The following CHIC2 variants were observed in gnomAD, a reference collection of about 807,000 sequenced individuals.
CHIC2 encodes cysteine rich hydrophobic domain 2.
Under a neutral mutation model 25.9 loss-of-function variants are expected in CHIC2, and 14 were observed. That is an observed-to-expected ratio of 0.54 (90% CI 0.36 to 0.85). The LOEUF (loss-of-function observed/expected upper bound fraction) is 0.85. Ranked by LOEUF, CHIC2 falls within the 40% of genes least tolerant of loss-of-function variation. CHIC2 has a pLI of 0.01. For missense variants in CHIC2, 146 were observed against 202.0 expected (o/e 0.72, Z 1.68); for synonymous variants, 70 against 72.0 (o/e 0.97, Z 0.14).
chr4:54,042,861 A>G (rs565008386), intron 3 of CHIC2, among the ~76,000 whole-genome samples: 2 of 152,374 alleles, frequency 1.3e-5, no homozygotes, highest in Non-Finnish European at 1.5e-5. Context: ...TCCTATCAAT[A>G]GAATGTACCA....
chr4:54,047,008 C>T (rs1648582224), intron 3 of CHIC2, among the ~76,000 whole-genome samples: 1 of 152,170 alleles, frequency 6.6e-6, no homozygotes, highest in Non-Finnish European at 1.5e-5. Context: ...AGACACTTCT[C>T]AAAAGAAGAC....
intron 3 of CHIC2, among the ~76,000 whole-genome samples, chr4:54,022,676 T>A (rs1404631600): frequency 6.6e-6 from 1 of 152,072 alleles, no homozygotes; most frequent in East Asian, 1.9e-4. Context: ...CTTCCTCTTG[T>A]ATCCCTCCAC....
At chr4:54,050,504 C>T (rs956070487) in intron 1 of CHIC2, among the ~76,000 whole-genome samples, 3 of 152,032 alleles carry the variant, frequency 2.0e-5, no homozygotes, top group Non-Finnish European at 2.9e-5. Context: ...AGGATACCTC[C>T]TTATATCTTA....
the CHIC2 span, among the ~76,000 whole-genome samples, chr4:54,075,233 C>A: frequency 6.6e-6 from 1 of 152,202 alleles, no homozygotes; most frequent in Admixed American, 6.5e-5. Flanking sequence ...TGAATTTGAG[C>A]TTTGAGGATC....
intron 1 of CHIC2, among the ~76,000 whole-genome samples, chr4:54,056,057 C>A (rs1717163934): frequency 6.6e-6 from 1 of 152,166 alleles, no homozygotes; most frequent in South Asian, 2.1e-4. Context: ...TTCTCCAAAG[C>A]ATGTGTTAAA....
At chr4:54,031,988 AG>A (rs1349465590) in intron 3 of CHIC2, among the ~76,000 whole-genome samples, 1 of 152,128 alleles carries the variant, frequency 6.6e-6, no homozygotes, top group Non-Finnish European at 1.5e-5. Flanking sequence ...TAAGTGTCAC[AG>A]TCCAATCCAG....
rs80108517 is a variant in CHIC2 at position 54,034,100 on chromosome 4, T to C, written c.330+14855A>G. Among the ~76,000 whole-genome samples the C allele has an allele frequency of 6.9e-3, 1,047 of 152,060 alleles. 11 individuals are homozygous for C. Among genetic ancestry groups the C allele is most frequent in the East Asian group, 0.029 (150 of 5,160 alleles). ...AAATCTATGGATCAGTTTGGAGAAA[T>C]TGGCCACTTAAAAGTATTTCCTCGC... On this transcript the variant is annotated intron_variant, in intron 3 of 5. Coordinates refer to ENST00000263921, the MANE Select transcript of CHIC2 (RefSeq NM_012110.4).
intron 3 of CHIC2, among the ~76,000 whole-genome samples, chr4:54,021,285 C>G (rs1324165232): frequency 3.3e-5 from 5 of 152,118 alleles, no homozygotes; most frequent in African/African-American, 7.2e-5. Flanking sequence ...TGCCTGACAT[C>G]CAGGCATTCT....
At position 54,064,456 on chromosome 4, in the gene CHIC2, A is replaced by G. The variant is rs1300893211; in HGVS notation, c.-156T>C. The G allele has an allele frequency of 2.3e-5, 35 of 1,493,930 alleles. No homozygotes were observed. Among genetic ancestry groups the G allele is most frequent in the Non-Finnish European group, 2.9e-5 (33 of 1,128,174 alleles). 92.5% of individuals were successfully genotyped at this position (1,493,930 alleles called of 1,614,324 possible). On this transcript the variant is annotated 5_prime_UTR_variant, in exon 1 of 6. Coordinates refer to ENST00000263921, the MANE Select transcript of CHIC2 (RefSeq NM_012110.4). This position sits in a 1 kb window ranked among gnomAD's most constrained non-coding sequence, Gnocchi z 4.2. ...TCGGCTGTCTCGGCTCCGGCTACAG[A>G]GGGGATGGGGTCTGGACCGTCGCCG... is the stretch of plus-strand genomic sequence containing the variant.
At chr4:54,070,635 C>G in the CHIC2 span, among the ~76,000 whole-genome samples, 1 of 152,066 alleles carries the variant, frequency 6.6e-6, no homozygotes, top group African/African-American at 2.4e-5. Flanking sequence ...GTTGGCCAGG[C>G]TGGTCTTGAA....
intron 3 of CHIC2, among the ~76,000 whole-genome samples, chr4:54,039,891 T>C (rs759115641): frequency 1.8e-4 from 27 of 151,778 alleles, no homozygotes; most frequent in Non-Finnish European, 3.1e-4. Context: ...TAAAAGAAAA[T>C]AGATGAATCT....
intron 3 of CHIC2, among the ~76,000 whole-genome samples, chr4:54,018,090 G>A (rs969329404): frequency 6.6e-6 from 1 of 152,014 alleles, no homozygotes; most frequent in Non-Finnish European, 1.5e-5. Flanking sequence ...GTAGAATTGT[G>A]AAAATAGGAA....
At chr4:54,011,080 T>C (rs1439931404) in intron 5 of CHIC2, among the ~76,000 whole-genome samples, 1 of 152,164 alleles carries the variant, frequency 6.6e-6, no homozygotes, top group Non-Finnish European at 1.5e-5. Flanking sequence ...TAGATGGTGA[T>C]TTAAAAATTA....
chr4:54,049,760 G>C (rs1716945624), intron 1 of CHIC2, among the ~76,000 whole-genome samples: 1 of 152,088 alleles, frequency 6.6e-6, no homozygotes, highest in South Asian at 2.1e-4. Flanking sequence ...AAAGAGTGAG[G>C]AGGGGAAGAA....
chr4:54,064,801 G>A, upstream of CHIC2: 1 of 321,676 alleles, frequency 3.1e-6, no homozygotes, highest in Non-Finnish European at 4.5e-6. The surrounding 1 kb of genome is among the most constrained non-coding windows in gnomAD (Gnocchi z 4.2). Context: ...CGCAGACGGC[G>A]ACCGGGGCGC....
At position 54,013,987 on chromosome 4, in the gene CHIC2, G is replaced by T. The variant is rs1715667626; in HGVS notation, c.387+76C>A. On this transcript the variant is annotated intron_variant, in intron 4 of 5. Coordinates refer to ENST00000263921, the MANE Select transcript of CHIC2 (RefSeq NM_012110.4). ...CATTTGTCCACCTTTCATATTTTTA[G>T]TTCAACAAAAGCATCTGTTTCCATA... 1.9e-6 allele frequency: 3 copies of T among 1,597,408 alleles called. No individual in the cohort carries two copies. In the African/African-American group the frequency reaches 4.0e-5, roughly 21 times the overall value.
chr4:54,077,352 A>G, the CHIC2 span, among the ~76,000 whole-genome samples: 2 of 152,202 alleles, frequency 1.3e-5, no homozygotes, highest in Non-Finnish European at 2.9e-5. Flanking sequence ...GTAGAAACAC[A>G]AGAAGATCCT....
At chr4:54,072,611 C>A in the CHIC2 span, among the ~76,000 whole-genome samples, 4 of 152,160 alleles carry the variant, frequency 2.6e-5, no homozygotes, top group African/African-American at 7.2e-5. Context: ...AGACTAGATT[C>A]TTTAAGGTCT....
chr4:54,062,329 T>TTTTATTTATTTATTAA (rs112212580), intron 1 of CHIC2, among the ~76,000 whole-genome samples: 5 of 151,452 alleles, frequency 3.3e-5, no homozygotes, highest in African/African-American at 1.2e-4. Flanking sequence ...ACCTGTGAGA[T>TTTTATTTATTTATTAA]TTTATTTATT....
Sources: allele counts gnomAD v4.1 joint callset (sites outside exome capture counted in the v4.1 genomes callset), GRCh38; gene constraint gnomAD v4.1.1; non-coding constraint Gnocchi (gnomAD v3.1); transcripts MANE v1.5; gene names NCBI Gene and HGNC (gene_info 2026-07-23, HGNC 2026-07-21).